RTL4: variants seen among roughly 807,000 people sequenced by gnomAD.
RTL4 encodes the protein retrotransposon Gag like 4.
Under a neutral mutation model 5.3 loss-of-function variants are expected in RTL4, and 4 were observed. The ratio of observed to expected loss-of-function variants is 0.75; its 90% CI spans 0.37 to 1.72. The LOEUF is 1.72. Ranked by LOEUF, RTL4 falls within the 40% of genes most tolerant of loss-of-function variation. The pLI is 0.04. For missense variants in RTL4, 260 were observed against 227.1 expected, an observed-to-expected ratio of 1.14 and a Z score of -0.93; for synonymous variants, 98 against 87.3, an observed-to-expected ratio of 1.12 and a Z score of -0.68.
chrX:112,083,016 G>T, the RTL4 span, among the ~76,000 whole-genome samples: 2 of 110,236 alleles, frequency 1.8e-5, no homozygotes, highest in South Asian at 3.8e-4. Flanking sequence ...AGCAGCTCCT[G>T]CCTTCTTTGC....
At chrX:112,127,112 A>G in the RTL4 span, among the ~76,000 whole-genome samples, 1 of 111,948 alleles carries the variant, frequency 8.9e-6, no homozygotes, top group Admixed American at 9.5e-5. Flanking sequence ...ATATATCATA[A>G]GAAAATAAAA....
chrX:112,285,018 A>G, the RTL4 span, among the ~76,000 whole-genome samples: 1 of 112,162 alleles, frequency 8.9e-6, no homozygotes, highest in Admixed American at 9.5e-5. Context: ...CAAACTGGCT[A>G]AATGACCAAT....
the RTL4 span, among the ~76,000 whole-genome samples, chrX:112,235,501 A>G: frequency 8.9e-6 from 1 of 112,120 alleles, no homozygotes; most frequent in Admixed American, 9.5e-5. Flanking sequence ...CCTTAGAGGC[A>G]GCACAGGACT....
At chrX:112,306,362 A>G in the RTL4 span, among the ~76,000 whole-genome samples, 1 of 111,864 alleles carries the variant, frequency 8.9e-6, no homozygotes, top group African/African-American at 3.2e-5. Context: ...CTTTTCTAGA[A>G]TGTACATGCA....
chrX:112,365,714 T>C, the RTL4 span, among the ~76,000 whole-genome samples: 14 of 111,555 alleles, frequency 1.3e-4, no homozygotes, highest in African/African-American at 4.5e-4. Context: ...ATCTTCTGCC[T>C]TTCACTCCCG....
At chrX:112,160,397 A>G in the RTL4 span, among the ~76,000 whole-genome samples, 1 of 112,143 alleles carries the variant, frequency 8.9e-6, no homozygotes, top group Non-Finnish European at 1.9e-5. Flanking sequence ...TCACATAATC[A>G]TCTTATTTAT....
the RTL4 span, among the ~76,000 whole-genome samples, chrX:112,303,642 G>T: frequency 1.1e-5 from 1 of 91,104 alleles, no homozygotes; most frequent in Non-Finnish European, 2.1e-5. Context: ...AGCATTAGGA[G>T]ATATACCTAA....
chrX:112,412,467 A>G, the RTL4 span, among the ~76,000 whole-genome samples: 3 of 111,763 alleles, frequency 2.7e-5, no homozygotes, highest in Admixed American at 2.9e-4. Context: ...CTACAAAGCT[A>G]TATTAACCAA....
the RTL4 span, among the ~76,000 whole-genome samples, chrX:112,183,443 C>T: frequency 9.0e-6 from 1 of 110,919 alleles, no homozygotes; most frequent in Admixed American, 9.6e-5. Flanking sequence ...CACACATAGG[C>T]TCAAAATAAA....
chrX:112,438,848 C>G, the RTL4 span, among the ~76,000 whole-genome samples: 2 of 112,257 alleles, frequency 1.8e-5, no homozygotes, highest in Non-Finnish European at 1.9e-5. Flanking sequence ...AGCCATTCAA[C>G]TAAGCTGAAT....
the RTL4 span, among the ~76,000 whole-genome samples, chrX:112,300,339 C>T: frequency 1.8e-5 from 2 of 112,155 alleles, no homozygotes; most frequent in Non-Finnish European, 3.8e-5. Context: ...GTCTGAATAG[C>T]AAAGGATTTG....
At chrX:112,102,226 G>A in the RTL4 span, among the ~76,000 whole-genome samples, 3 of 111,354 alleles carry the variant, frequency 2.7e-5, no homozygotes, top group Non-Finnish European at 3.8e-5. Flanking sequence ...GTAGATAAAC[G>A]CATGAGAGTT....
chrX:112,297,296 G>C, the RTL4 span, among the ~76,000 whole-genome samples: 4 of 111,330 alleles, frequency 3.6e-5, no homozygotes, highest in South Asian at 1.5e-3. Context: ...ACCTGAAACT[G>C]GGTAATTTAT....
the RTL4 span, among the ~76,000 whole-genome samples, chrX:112,397,733 G>A: frequency 9.0e-6 from 1 of 111,664 alleles, no homozygotes; most frequent in Admixed American, 9.5e-5. Flanking sequence ...TTATACTTAA[G>A]AATTTTATAC....
the RTL4 span, among the ~76,000 whole-genome samples, chrX:112,396,374 C>G: frequency 9.0e-6 from 1 of 111,607 alleles, no homozygotes; most frequent in Non-Finnish European, 1.9e-5. Context: ...ATCAGTGCCT[C>G]TTTTTGCAAT....
At chrX:112,340,912 T>C in the RTL4 span, among the ~76,000 whole-genome samples, 1 of 110,277 alleles carries the variant, frequency 9.1e-6, no homozygotes, top group Non-Finnish European at 1.9e-5. Context: ...GAGATGAGGT[T>C]TCACCATCTT....
chrX:112,252,089 T>C, the RTL4 span, among the ~76,000 whole-genome samples: 1 of 112,062 alleles, frequency 8.9e-6, no homozygotes, highest in South Asian at 3.7e-4. Context: ...TACTGTTCTC[T>C]TTATCAAAGA....
At chrX:112,327,617 C>A in the RTL4 span, among the ~76,000 whole-genome samples, 1 of 109,498 alleles carries the variant, frequency 9.1e-6, no homozygotes, top group African/African-American at 3.3e-5. Flanking sequence ...CCCAATCTAG[C>A]AAGGCAGGCC....
At chrX:112,318,844 G>A in the RTL4 span, among the ~76,000 whole-genome samples, 2 of 111,165 alleles carry the variant, frequency 1.8e-5, no homozygotes, top group African/African-American at 3.3e-5. Context: ...TTCAAGCCCT[G>A]GGTTATTGAT....
Sources: gnomAD v4.1 joint callset for allele counts (sites outside exome capture counted in the v4.1 genomes callset) on GRCh38, gnomAD v4.1.1 for gene constraint, MANE v1.5 for transcripts, NCBI Gene and HGNC (gene_info 2026-07-23, HGNC 2026-07-21) for gene names.